The following OR5H2 variants were observed in gnomAD, a reference collection of about 807,000 sequenced individuals.
OR5H2 encodes olfactory receptor family 5 subfamily H member 2, also known as olfactory receptor 5H2.
For missense variants in OR5H2, 391 were observed against 364.4 expected (o/e 1.07, Z -0.59); for synonymous variants, 132 against 126.8 (o/e 1.04, Z -0.27).
chr3:98,283,061 A>T lies in OR5H2; in HGVS notation c.159A>T (p.Pro53=). 6.2e-7 allele frequency: 1 copy of T among 1,614,070 alleles called. No individual in the cohort carries two copies. Among genetic ancestry groups the T allele is most frequent in the Middle Eastern group, 1.7e-4 (1 of 6,056 alleles). ...TGATTGCTCTTATCTGGAATGACCC[A>T]CAACTTCACATCCCCATGTACTTTT... ...LGLIALIWND[P]QLHIPMYFFL... Residue 53 remains proline, a synonymous_variant, in exon 1 of 1, where the codon CCA becomes CCT. Transcript: ENST00000355273.
Position 98,283,860 on chromosome 3 carries a change from G to A in OR5H2, c.*28G>A. The stretch of plus-strand genomic sequence containing the variant: ...TTCATAGTGATATCTCTCATTTTCA[G>A]TAAAAAGAATTTTGCAGTTAGATAA... On this transcript the variant is annotated 3_prime_UTR_variant, in exon 1 of 1. Transcript: ENST00000355273. 2 of 1,305,926 alleles carry A rather than the reference G, an allele frequency of 1.5e-6. No individual in the cohort carries two copies. The highest frequency in any genetic ancestry group is 2.1e-6 in the Non-Finnish European group (2 of 952,438). The allele number at this position is 1,305,926 out of a possible 1,614,324, so 80.9% of individuals were successfully genotyped here. A position where few individuals can be genotyped will look rare whatever the true frequency, so the allele number is the denominator to read the frequency against.
rs1706165028 is a variant in OR5H2 at position 98,283,705 on chromosome 3, A to G, written c.803A>G (p.Asp268Gly). ...TTGCGCCCTGCATCTCCACAAGCAG[A>G]TGACCAAGATATGATAGACTCTGTC... ...MYLRPASPQA[D>G]DQDMIDSVFY... The change falls in exon 1 of 1, where the codon GAT becomes GGT. Residue 268 changes from aspartate (D) to glycine (G), a missense_variant. By Grantham distance (94) the Asp-to-Gly change is moderately conservative. Coordinates refer to ENST00000355273, the MANE Select transcript of OR5H2 (RefSeq NM_001005482.2). 1.9e-6 allele frequency: 3 copies of G among 1,612,698 alleles called. No homozygotes were observed. Among genetic ancestry groups the G allele is most frequent in the Non-Finnish European group, 1.7e-6 (2 of 1,179,366 alleles).
Position 98,282,754 on chromosome 3 carries a change from A to G in OR5H2, c.-149A>G. On this transcript the variant is annotated 5_prime_UTR_variant, in exon 1 of 1. Transcript: ENST00000355273. Reference sequence around the variant, plus strand: ...ATATTTCCCAAAACAGTTTCCATCTATTACAGGAATATGAAAGAAAATTAA... The same window carrying G: ...ATATTTCCCAAAACAGTTTCCATCTGTTACAGGAATATGAAAGAAAATTAA... 1 of 646,186 alleles carries G rather than the reference A, an allele frequency of 1.5e-6. No homozygotes were observed. The highest frequency in any genetic ancestry group is 2.6e-6 in the Non-Finnish European group (1 of 377,446). The allele number at this position is 646,186 out of a possible 1,614,324, so 40.0% of individuals were successfully genotyped here.
At position 98,282,929 on chromosome 3, in the gene OR5H2, G is replaced by A. The variant is rs142169306; in HGVS notation, c.27G>A (p.Leu9=). MEQDNTTL[L]TEFVLTGLTY... ...TGGAACAGGATAATACAACATTGCT[G>A]ACAGAGTTTGTTCTCACAGGACTTA... Residue 9 remains leucine (L), a synonymous_variant, in exon 1 of 1, where the codon CTG becomes CTA. Transcript: ENST00000355273. The A allele has an allele frequency of 6.2e-7, 1 of 1,613,992 alleles. No homozygotes were observed. The highest frequency in any genetic ancestry group is 1.7e-5 in the Admixed American group (1 of 60,004).
rs2107406963 is a variant in OR5H2 at position 98,283,531 on chromosome 3, C to T, written c.629C>T (p.Thr210Ile). ...FILSGSIQVF[T>I]IVTVLNSYTF... ...TTGTCTGGCTCAATTCAGGTATTCA[C>T]CATTGTGACAGTTCTTAATTCTTAC... The change falls in exon 1 of 1, where the codon ACC becomes ATC. Residue 210 changes from threonine to isoleucine, a missense_variant. Physicochemically the swap from Thr to Ile is moderately conservative, Grantham distance 89. Coordinates refer to ENST00000355273, the MANE Select transcript of OR5H2 (RefSeq NM_001005482.2). 1 of 1,613,138 alleles carries T rather than the reference C, an allele frequency of 6.2e-7. No homozygotes were observed. The highest frequency in any genetic ancestry group is 8.5e-7 in the Non-Finnish European group (1 of 1,179,774).
chr3:98,283,608 A>G lies in OR5H2; in HGVS notation c.706A>G (p.Lys236Glu), dbSNP rs1265183187. 2.5e-6 allele frequency: 4 copies of G among 1,613,674 alleles called. No individual in the cohort carries two copies. Among genetic ancestry groups the G allele is most frequent in the Non-Finnish European group, 3.4e-6 (4 of 1,179,864 alleles). Residue 236 changes from lysine (K) to glutamate (E), a missense_variant, in exon 1 of 1, where the codon AAA becomes GAA. Coordinates refer to ENST00000355273, the MANE Select transcript of OR5H2 (RefSeq NM_001005482.2). ...LKKKSVRGVRKAFSTCGAHLL... is the reference protein window; with the variant it reads ...LKKKSVRGVREAFSTCGAHLL... ...AAAGAAGTCTGTTAGAGGCGTAAGG[A>G]AAGCCTTTTCCACCTGTGGAGCCCA...
In OR5H2 at chr3:98,283,652, A is replaced by G. The variant is rs891743222; in HGVS notation, c.750A>G (p.Leu250=). 6.2e-7 allele frequency: 1 copy of G among 1,613,440 alleles called. No individual in the cohort carries two copies. Among genetic ancestry groups the G allele is most frequent in the Admixed American group, 1.7e-5 (1 of 59,842 alleles). ...GAGCCCATCTCTTATCTGTCTCTTTATATTATGGCCCACTTATCTTCATGT... is the reference window on the plus strand; with the variant it reads ...GAGCCCATCTCTTATCTGTCTCTTTGTATTATGGCCCACTTATCTTCATGT... The part of the protein sequence containing the change: ...TCGAHLLSVS[L]YYGPLIFMYL... Residue 250 remains leucine (L), a synonymous_variant, in exon 1 of 1, where the codon TTA becomes TTG. Transcript: ENST00000355273.
rs766229730 is a variant in OR5H2 at position 98,283,281 on chromosome 3, T to C, written c.379T>C (p.Cys127Arg). 1.9e-6 allele frequency: 3 copies of C among 1,613,926 alleles called. No individual in the cohort carries two copies. The South Asian group carries it at 3.3e-5, about 18-fold the overall frequency. Reference protein sequence around the residue: ...TMAYDRYVAICKPLLYPVIMN... With the variant: ...TMAYDRYVAIRKPLLYPVIMN... ...GGCATATGATCGCTATGTAGCCATA[T>C]GCAAACCTTTACTATATCCAGTGAT... The change falls in exon 1 of 1, where the codon TGC becomes CGC. Residue 127 changes from cysteine to arginine, a missense_variant. Transcript: ENST00000355273.
In OR5H2 at chr3:98,283,825, A is replaced by C. The variant is rs1479889471; in HGVS notation, c.923A>C (p.Asn308Thr). The C allele has an allele frequency of 6.6e-7, 1 of 1,508,424 alleles. No individual in the cohort carries two copies. Among genetic ancestry groups the C allele is most frequent in the Non-Finnish European group, 9.0e-7 (1 of 1,114,912 alleles). The allele number at this position is 1,508,424 out of a possible 1,614,324, so 93.4% of individuals were successfully genotyped here. Residue 308 changes from asparagine (N) to threonine (T), a missense_variant, in exon 1 of 1, where the codon AAT (asparagine) becomes ACT (threonine). Transcript: ENST00000355273. ...TCATTCACAAAAATGGTAAAAAGAAATGTTTAGATTTCATAGTGATATCTC... is the reference window on the plus strand; with the variant it reads ...TCATTCACAAAAATGGTAAAAAGAACTGTTTAGATTTCATAGTGATATCTC... ...IDSFTKMVKR[N>T]V is the part of the protein sequence containing the mutation.
chr3:98,283,356 G>A lies in OR5H2; in HGVS notation c.454G>A (p.Gly152Ser), dbSNP rs768724276. ...IRLLAFSFLG[G>S]FLHALIHEVL... Reference sequence around the variant, plus strand: ...GCTGTTAGCCTTCTCATTTTTAGGTGGCTTCCTCCATGCCTTAATTCATGA... The same window carrying A: ...GCTGTTAGCCTTCTCATTTTTAGGTAGCTTCCTCCATGCCTTAATTCATGA... The change falls in exon 1 of 1, where the codon GGC (glycine) becomes AGC (serine). Residue 152 changes from glycine to serine, a missense_variant. Transcript: ENST00000355273. 1 of 1,611,916 alleles carries A rather than the reference G, an allele frequency of 6.2e-7. No individual in the cohort carries two copies. Among genetic ancestry groups the A allele is most frequent in the East Asian group, 2.2e-5 (1 of 44,840 alleles).
Position 98,283,572 on chromosome 3 carries a change from A to C in OR5H2, c.670A>C (p.Thr224Pro). ...VLNSYTFALF[T>P]ILKKKSVRGV... ...TAATTCTTACACATTTGCTCTTTTC[A>C]CAATCCTAAAAAAGAAGTCTGTTAG... The change falls in exon 1 of 1, where the codon ACA becomes CCA. Residue 224 changes from threonine to proline, a missense_variant. Transcript: ENST00000355273. 1 of 1,613,350 alleles carries C rather than the reference A, an allele frequency of 6.2e-7. No homozygotes were observed. Among genetic ancestry groups the C allele is most frequent in the Non-Finnish European group, 8.5e-7 (1 of 1,179,810 alleles).
Position 98,283,203 on chromosome 3 carries a change from T to C in OR5H2, c.301T>C (p.Phe101Leu), listed in dbSNP as rs766282966. 1.2e-6 allele frequency: 2 copies of C among 1,613,864 alleles called. No individual in the cohort carries two copies. The highest frequency in any genetic ancestry group is 2.7e-5 in the African/African-American group (2 of 74,916). Residue 101 changes from phenylalanine (F) to leucine (L), a missense_variant, in exon 1 of 1, where the codon TTT (phenylalanine) becomes CTT (leucine). Phe to Leu is a conservative substitution (Grantham distance 22). Coordinates refer to ENST00000355273, the MANE Select transcript of OR5H2 (RefSeq NM_001005482.2). ...MISLSECMIQ[F>L]FSFAFGGTTE... ...ATCTCTGTCTGAATGCATGATTCAA[T>C]TTTTTTCCTTTGCATTTGGTGGAAC...
Position 98,283,942 on chromosome 3 carries a change from G to C in OR5H2, c.*110G>C. On this transcript the variant is annotated 3_prime_UTR_variant, in exon 1 of 1. Coordinates refer to ENST00000355273, the MANE Select transcript of OR5H2 (RefSeq NM_001005482.2). ...AATATAATTGTTTTAGCATTTTAATGACTTAGGGTTTTATACCTAATAAAC... is the reference window on the plus strand; with the variant it reads ...AATATAATTGTTTTAGCATTTTAATCACTTAGGGTTTTATACCTAATAAAC... 1.6e-6 allele frequency: 1 copy of C among 612,330 alleles called. No individual in the cohort carries two copies. The highest frequency in any genetic ancestry group is 2.7e-6 in the Non-Finnish European group (1 of 372,758). 37.9% of individuals were successfully genotyped at this position (612,330 alleles called of 1,614,324 possible).
Position 98,283,778 on chromosome 3 carries a change from G to T in OR5H2, c.876G>T (p.Leu292=), listed in dbSNP as rs1706167302. The T allele has an allele frequency of 6.3e-7, 1 of 1,575,760 alleles. No individual in the cohort carries two copies. Among genetic ancestry groups the T allele is most frequent in the South Asian group, 1.2e-5 (1 of 86,066 alleles). ...IPLLNPIIYS[L]RNKQVIDSFT... ...TGCTAAATCCCATTATCTACAGTCTGAGAAATAAACAAGTAATAGATTCAT... is the reference window on the plus strand; with the variant it reads ...TGCTAAATCCCATTATCTACAGTCTTAGAAATAAACAAGTAATAGATTCAT... The change falls in exon 1 of 1, where the codon CTG becomes CTT. Residue 292 remains leucine (L), a synonymous_variant. Coordinates refer to ENST00000355273, the MANE Select transcript of OR5H2 (RefSeq NM_001005482.2).
At position 98,282,953 on chromosome 3, in the gene OR5H2, T is replaced by C. The variant is rs774754242; in HGVS notation, c.51T>C (p.Leu17=). 9 of 1,613,922 alleles carry C rather than the reference T, an allele frequency of 5.6e-6. No homozygotes were observed. In the African/African-American group the frequency reaches 1.1e-4, roughly 19 times the overall value. The change falls in exon 1 of 1, where the codon CTT becomes CTC. Residue 17 remains leucine (L), a synonymous_variant. Transcript: ENST00000355273. ...TGACAGAGTTTGTTCTCACAGGACTTACATATCAGCCAGAGTGGAAAATGC... is the reference window on the plus strand; with the variant it reads ...TGACAGAGTTTGTTCTCACAGGACTCACATATCAGCCAGAGTGGAAAATGC... ...TLLTEFVLTG[L]TYQPEWKMPL... is the part of the protein sequence containing the mutation.
rs370389870 is a variant in OR5H2, at chr3:98,283,110, G to A, written c.208G>A (p.Asp70Asn). The A allele has an allele frequency of 2.4e-5, 39 of 1,613,820 alleles. 1 individual carries two copies. Among genetic ancestry groups the A allele is most frequent in the Admixed American group, 1.7e-4 (10 of 59,990 alleles). ...TTTTCTTGGGAGTTTAGCCTTTGTT[G>A]ATGCTTGGATATCTTCCACAGTAAC... ...YFFLGSLAFV[D>N]AWISSTVTPK... Residue 70 changes from aspartate (D) to asparagine (N), a missense_variant, in exon 1 of 1, where the codon GAT becomes AAT. Transcript: ENST00000355273.
Position 98,283,662 on chromosome 3 carries a change from C to T in OR5H2, c.760C>T (p.Pro254Ser). Residue 254 changes from proline (P) to serine (S), a missense_variant, in exon 1 of 1, where the codon CCA becomes TCA. Coordinates refer to ENST00000355273, the MANE Select transcript of OR5H2 (RefSeq NM_001005482.2). ...CTTATCTGTCTCTTTATATTATGGC[C>T]CACTTATCTTCATGTATTTGCGCCC... ...HLLSVSLYYG[P>S]LIFMYLRPAS... 1 of 1,613,238 alleles carries T rather than the reference C, an allele frequency of 6.2e-7. No homozygotes were observed. Among genetic ancestry groups the T allele is most frequent in the Non-Finnish European group, 8.5e-7 (1 of 1,179,764 alleles).
rs1245209322 is a variant in OR5H2 at position 98,283,986 on chromosome 3, A to G, written c.*154A>G. Among the ~76,000 whole-genome samples, 1 of 152,176 alleles carries G rather than the reference A, an allele frequency of 6.6e-6. No individual in the cohort carries two copies. Among genetic ancestry groups the G allele is most frequent in the African/African-American group, 2.4e-5 (1 of 41,454 alleles). ...AATAAACTCCTTAAAATATTTATAT[A>G]TGTTATTCAAAAGCATCCAAGGAAT... On this transcript the variant is annotated 3_prime_UTR_variant, in exon 1 of 1. Transcript: ENST00000355273.
At position 98,283,209 on chromosome 3, in the gene OR5H2, T is replaced by C; in HGVS notation, c.307T>C (p.Ser103Pro). 1 of 1,614,008 alleles carries C rather than the reference T, an allele frequency of 6.2e-7. No homozygotes were observed. The highest frequency in any genetic ancestry group is 1.7e-4 in the Middle Eastern group (1 of 6,056). The change falls in exon 1 of 1, where the codon TCC (serine) becomes CCC (proline). Residue 103 changes from serine to proline, a missense_variant. Transcript: ENST00000355273. The stretch of plus-strand genomic sequence containing the variant: ...GTCTGAATGCATGATTCAATTTTTT[T>C]CCTTTGCATTTGGTGGAACTACAGA... ...SLSECMIQFF[S>P]FAFGGTTECF...
Sources: allele counts gnomAD v4.1 joint callset (sites outside exome capture counted in the v4.1 genomes callset), GRCh38; gene constraint gnomAD v4.1.1; transcripts MANE v1.5; gene names NCBI Gene and HGNC (gene_info 2026-07-23, HGNC 2026-07-21).